MAP4K4: variants seen among roughly 807,000 people sequenced by gnomAD.
MAP4K4 encodes the protein HPK/GCK-like kinase HGK.
MAP4K4 carries 38 observed loss-of-function variants against 189.6 expected under a neutral mutation model. The ratio of observed to expected loss-of-function variants is 0.20; its 90% CI spans 0.15 to 0.26. The LOEUF (loss-of-function observed/expected upper bound fraction) is 0.26, where lower values mean the gene tolerates loss of function less well. MAP4K4 is among the 10% of genes least tolerant of loss of function. The pLI is 1.00. For missense variants in MAP4K4, 1,054 were observed against 1,726.9 expected (o/e 0.61, Z 6.91); for synonymous variants, 610 against 624.3 (o/e 0.98, Z 0.34).
chr2:101,760,997 C>A (rs1218639037), intron 2 of MAP4K4, among the ~76,000 whole-genome samples: 6 of 152,054 alleles, frequency 3.9e-5, no homozygotes, highest in Non-Finnish European at 7.4e-5. Context: ...GAGCAAAACT[C>A]TGTCTCAAAA....
chr2:101,782,344 T>C (rs2088077694), intron 2 of MAP4K4, among the ~76,000 whole-genome samples: 1 of 152,212 alleles, frequency 6.6e-6, no homozygotes, highest in Non-Finnish European at 1.5e-5. Flanking sequence ...ATAATTTTCT[T>C]TAAAGGGAGT....
chr2:101,821,056 G>C (rs923777782), intron 3 of MAP4K4, among the ~76,000 whole-genome samples: 3 of 151,830 alleles, frequency 2.0e-5, no homozygotes, highest in South Asian at 2.1e-4. Context: ...TCTAAACACT[G>C]GTTTTGTTTA....
chr2:101,798,772 C>T (rs1477877630), intron 3 of MAP4K4, among the ~76,000 whole-genome samples: 2 of 152,182 alleles, frequency 1.3e-5, no homozygotes, highest in African/African-American at 4.8e-5. Context: ...TTGGAGAAAA[C>T]ATAGTAGATA....
At chr2:101,817,456 T>G (rs1344539881) in intron 3 of MAP4K4, among the ~76,000 whole-genome samples, 2 of 152,052 alleles carry the variant, frequency 1.3e-5, no homozygotes, top group Non-Finnish European at 2.9e-5. Flanking sequence ...TAGAAGAAAA[T>G]AGAATGAACT....
At chr2:101,855,989 G>A in exon 13 of MAP4K4, 1 of 1,549,426 alleles carries the variant, frequency 6.5e-7, no homozygotes, top group Non-Finnish European at 8.7e-7. Context: ...ACAAAGGAGA[G>A]AGCGGGAAGC....
At chr2:101,751,855 A>G (rs1352982268) in intron 2 of MAP4K4, among the ~76,000 whole-genome samples, 1 of 152,192 alleles carries the variant, frequency 6.6e-6, no homozygotes, top group East Asian at 1.9e-4. Flanking sequence ...TTACGTATAC[A>G]CTGGCATTGC....
intron 2 of MAP4K4, among the ~76,000 whole-genome samples, chr2:101,715,833 A>G (rs1368038962): frequency 6.6e-6 from 1 of 152,150 alleles, no homozygotes; most frequent in African/African-American, 2.4e-5. Flanking sequence ...TGGGAAAGCA[A>G]TTGAAGCTTT....
intron 23 of MAP4K4, among the ~76,000 whole-genome samples, chr2:101,871,141 A>G (rs1269541164): frequency 6.6e-6 from 1 of 152,204 alleles, no homozygotes; most frequent in Non-Finnish European, 1.5e-5. Context: ...GAATGTGGAA[A>G]AGACCAGGAT....
intron 15 of MAP4K4, 72 bp from the exon 16 acceptor site, chr2:101,860,751 CTT>C: frequency 7.8e-7 from 1 of 1,288,262 alleles, no homozygotes; most frequent in East Asian, 2.5e-5. Context: ...ATTTCTTCCA[CTT>C]TTAGACTTTC....
At chr2:101,790,832 C>G (rs2092748753) in intron 3 of MAP4K4, 56 bp downstream of exon 3, 1 of 1,365,096 alleles carries the variant, frequency 7.3e-7, no homozygotes, top group Non-Finnish European at 1.0e-6. Context: ...CAAAGATTCC[C>G]CCAACAACAC....
At chr2:101,701,906 C>A (rs576350765) in intron 2 of MAP4K4, among the ~76,000 whole-genome samples, 21 of 152,272 alleles carry the variant, frequency 1.4e-4, no homozygotes, top group African/African-American at 5.1e-4. Flanking sequence ...TGCTCTGTTG[C>A]CCAGGCTGGA....
At chr2:101,851,853 C>T (rs951920988) in intron 12 of MAP4K4, among the ~76,000 whole-genome samples, 6 of 144,486 alleles carry the variant, frequency 4.2e-5, no homozygotes, top group African/African-American at 5.0e-5. Flanking sequence ...TTGTCTTCTA[C>T]GTTTTTTTAA....
In MAP4K4 at chr2:101,825,447, C is replaced by T. The variant is rs1463799538; in HGVS notation, c.417+18C>T. On this transcript the variant is annotated intron_variant, in intron 5 of 32. Transcript: ENST00000324219. The stretch of plus-strand genomic sequence containing the variant: ...TCCTGAGGGTAAGGAAAGTGGGTGG[C>T]TACAGTGCTCCAACTCATGATCCTG... The T allele has an allele frequency of 6.5e-7, 1 of 1,528,110 alleles. No homozygotes were observed. Among genetic ancestry groups the T allele is most frequent in the Non-Finnish European group, 9.1e-7 (1 of 1,104,232 alleles). The allele number at this position is 1,528,110 out of a possible 1,614,324, so 94.7% of individuals were successfully genotyped here. A position where few individuals can be genotyped will look rare whatever the true frequency, so the allele number is the denominator to read the frequency against.
chr2:101,777,457 A>T (rs554124840), intron 2 of MAP4K4, among the ~76,000 whole-genome samples: 2 of 152,340 alleles, frequency 1.3e-5, no homozygotes, highest in African/African-American at 4.8e-5. Context: ...GTGCCGGCTC[A>T]TGGTTTTCTG....
chr2:101,867,200 T>G lies in MAP4K4; in HGVS notation c.2357-12T>G, dbSNP rs1398484432. 7.0e-6 allele frequency: 11 copies of G among 1,570,302 alleles called. No homozygotes were observed. Among genetic ancestry groups the G allele is most frequent in the Non-Finnish European group, 9.6e-6 (11 of 1,148,106 alleles). ...ATGTGTCTGTCCATCTTGTCCCTTTTGAACCCAACAGCATCATCCAAGTCT... is the reference window on the plus strand; with the variant it reads ...ATGTGTCTGTCCATCTTGTCCCTTTGGAACCCAACAGCATCATCCAAGTCT... On this transcript the variant is annotated splice_polypyrimidine_tract_variant and intron_variant, in intron 19 of 32. Transcript: ENST00000324219.
intron 2 of MAP4K4, among the ~76,000 whole-genome samples, chr2:101,746,128 C>T (rs1012536249): frequency 1.3e-5 from 2 of 151,758 alleles, no homozygotes; most frequent in African/African-American, 2.4e-5. Context: ...TAGTTGGGAC[C>T]GCAGGTGCAT....
At chr2:101,894,657 C>T (rs1233902058) in exon 33 of MAP4K4, 3 of 152,522 alleles carry the variant, frequency 2.0e-5, no homozygotes, top group Non-Finnish European at 2.9e-5. Context: ...TCCCCCCACC[C>T]TTTTTTCCTT....
At chr2:101,768,350 C>CT in intron 2 of MAP4K4, among the ~76,000 whole-genome samples, 1 of 152,174 alleles carries the variant, frequency 6.6e-6, no homozygotes, top group Non-Finnish European at 1.5e-5. Context: ...CTATTAACTG[C>CT]TTTTAACAAA....
At chr2:101,783,153 A>G (rs1035875548) in intron 2 of MAP4K4, among the ~76,000 whole-genome samples, 3 of 152,304 alleles carry the variant, frequency 2.0e-5, no homozygotes, top group Middle Eastern at 3.4e-3. Flanking sequence ...TGGCTTAGCT[A>G]CTAGTTGAGT....
Sources: allele counts gnomAD v4.1 joint callset (sites outside exome capture counted in the v4.1 genomes callset), GRCh38; gene constraint gnomAD v4.1.1; transcripts MANE v1.5; gene names NCBI Gene and HGNC (gene_info 2026-07-23, HGNC 2026-07-21).